The following MCCC2 variants were observed in gnomAD, a reference collection of about 807,000 sequenced individuals.
MCCC2 encodes the protein methylcrotonyl-CoA carboxylase subunit 2.
A neutral mutation model predicts 77.2 loss-of-function variants in MCCC2; 52 were observed. The observed-to-expected ratio is 0.67, with a 90% confidence interval of 0.54 to 0.85. MCCC2 has a LOEUF of 0.85. Among genes scored for constraint, MCCC2 ranks in the 40% least tolerant of loss-of-function variants. The probability of loss-of-function intolerance (pLI) is 0.00; values close to 1 mark genes in which losing one functional copy is unlikely to be tolerated. For synonymous variants in MCCC2, 253 were observed against 248.4 expected (o/e 1.02, Z -0.18); for missense variants, 682 against 703.2 (o/e 0.97, Z 0.34).
chr5:71,649,307 C>T, intron 14 of MCCC2, 54 bp downstream of exon 14: 1 of 1,508,096 alleles, frequency 6.6e-7, no homozygotes, highest in South Asian at 1.1e-5. Flanking sequence ...GTATAAAATA[C>T]ATGGTCAGTT....
intron 16 of MCCC2, among the ~76,000 whole-genome samples, 180 bp downstream of exon 16, chr5:71,652,934 C>T (rs193150949): frequency 6.6e-6 from 1 of 152,318 alleles, no homozygotes; most frequent in East Asian, 1.9e-4. Context: ...TGCTGAAATG[C>T]CACCCCTCCT....
intron 3 of MCCC2, among the ~76,000 whole-genome samples, chr5:71,597,116 G>GGAGA (rs138876138): frequency 6.6e-6 from 1 of 150,610 alleles, no homozygotes; most frequent in African/African-American, 2.4e-5. Flanking sequence ...ATTTAAAGGA[G>GGAGA]GAGAGAGAGA....
chr5:71,606,836 T>A (rs1454979097), intron 6 of MCCC2, among the ~76,000 whole-genome samples: 11 of 143,310 alleles, frequency 7.7e-5, no homozygotes, highest in African/African-American at 2.9e-4. Flanking sequence ...GAGATAATCA[T>A]GTGGTTTTTG....
intron 6 of MCCC2, among the ~76,000 whole-genome samples, chr5:71,617,146 A>G (rs1000626929): frequency 6.6e-6 from 1 of 152,188 alleles, no homozygotes; most frequent in African/African-American, 2.4e-5. Flanking sequence ...ACTGCAGTCA[A>G]CCTGATGCAG....
rs148316554 is a variant in MCCC2 at position 71,642,466 on chromosome 5, G to A, written c.1073-1353G>A. 3.8e-4 allele frequency among the ~76,000 whole-genome samples: 58 copies of A among 152,322 alleles called. 1 individual carries two copies. The highest frequency in any genetic ancestry group is 1.3e-3 in the African/African-American group (53 of 41,584). On this transcript the variant is annotated intron_variant, in intron 11 of 16. Transcript: ENST00000340941. Reference sequence around the variant, plus strand: ...TTTGTAACTCAGGTTTGATCAGGCAGTTGGTGAAGACCGTCCCTCTATGGG... The same window carrying A: ...TTTGTAACTCAGGTTTGATCAGGCAATTGGTGAAGACCGTCCCTCTATGGG...
At chr5:71,635,592 G>A in intron 10 of MCCC2, 3 of 358,256 alleles carry the variant, frequency 8.4e-6, no homozygotes, top group Non-Finnish European at 1.6e-5. Flanking sequence ...TCTTATTTTG[G>A]GAAATGGGTG....
Position 71,608,993 on chromosome 5 carries a change from C to T in MCCC2, c.624+4525C>T, listed in dbSNP as rs546577124. Among the ~76,000 whole-genome samples, 1,416 of 152,020 alleles carry T rather than the reference C, an allele frequency of 9.3e-3. 5 individuals carry two copies. The highest frequency in any genetic ancestry group is 0.014 in the Non-Finnish European group (946 of 67,948). ...TAACCCGACCTTTCTCTCTGGCTGC[C>T]CTTAACATTTTTTCCTTCATTTCAA... On this transcript the variant is annotated intron_variant, in intron 6 of 16. Coordinates refer to ENST00000340941, the MANE Select transcript of MCCC2 (RefSeq NM_022132.5).
chr5:71,645,276 T>A (rs1747245530), intron 12 of MCCC2, among the ~76,000 whole-genome samples: 1 of 152,190 alleles, frequency 6.6e-6, no homozygotes, highest in Admixed American at 6.5e-5. Flanking sequence ...CGTAGTCATA[T>A]TGAAGTCGAG....
In MCCC2 at chr5:71,649,299, A is replaced by T. The variant is rs141576720; in HGVS notation, c.1373+46A>T. On this transcript the variant is annotated intron_variant, in intron 14 of 16. Coordinates refer to ENST00000340941, the MANE Select transcript of MCCC2 (RefSeq NM_022132.5). ...TGAAACAAAGAAACATGCTTCAAGTATAAAATACATGGTCAGTTTATTTCA... is the reference window on the plus strand; with the variant it reads ...TGAAACAAAGAAACATGCTTCAAGTTTAAAATACATGGTCAGTTTATTTCA... 8 of 1,544,560 alleles carry T rather than the reference A, an allele frequency of 5.2e-6. 1 individual carries two copies. In the South Asian group the frequency reaches 9.0e-5, roughly 17 times the overall value.
At chr5:71,641,204 C>A (rs1747113546) in intron 11 of MCCC2, 129 bp downstream of exon 11, 2 of 794,436 alleles carry the variant, frequency 2.5e-6, no homozygotes, top group Non-Finnish European at 4.3e-6. Flanking sequence ...GTGTGAGCCA[C>A]TTTTAAAAGG....
At chr5:71,635,373 A>T in intron 10 of MCCC2, 127 bp downstream of exon 10, 1 of 838,454 alleles carries the variant, frequency 1.2e-6, no homozygotes, top group South Asian at 1.4e-5. Flanking sequence ...CTCAGTAAGG[A>T]GTGACATATG....
chr5:71,618,488 T>C (rs931493929), intron 6 of MCCC2, among the ~76,000 whole-genome samples: 6 of 97,150 alleles, frequency 6.2e-5, no homozygotes, highest in South Asian at 3.5e-4. Flanking sequence ...CTTCTTTCCT[T>C]CTTCCTTCCT....
chr5:71,595,551 A>G (rs1327237638), intron 2 of MCCC2, among the ~76,000 whole-genome samples: 1 of 152,170 alleles, frequency 6.6e-6, no homozygotes, highest in East Asian at 1.9e-4. Context: ...CTATATTAAG[A>G]TGAAATTCTT....
intron 6 of MCCC2, among the ~76,000 whole-genome samples, chr5:71,609,380 T>G (rs1745823654): frequency 6.6e-6 from 1 of 152,078 alleles, no homozygotes; most frequent in African/African-American, 2.4e-5. Context: ...GGCTTCTGCA[T>G]TCTTCACGTA....
At position 71,647,573 on chromosome 5, in the gene MCCC2, A is replaced by C. The variant is rs796169890; in HGVS notation, c.1216+1296A>C. ...GTTTTGGCCCTGTTGGGTTGAGTTT[A>C]GTTTTTCAGCATTGCATTTGAGGTT... is the stretch of plus-strand genomic sequence containing the variant. On this transcript the variant is annotated intron_variant, in intron 13 of 16. Transcript: ENST00000340941. 3.2e-4 allele frequency among the ~76,000 whole-genome samples: 49 copies of C among 152,254 alleles called. 1 individual carries two copies. The highest frequency in any genetic ancestry group is 1.2e-3 in the African/African-American group (48 of 41,560).
intron 3 of MCCC2, among the ~76,000 whole-genome samples, chr5:71,599,451 T>C (rs547307936): frequency 1.1e-3 from 160 of 152,250 alleles, no homozygotes; most frequent in African/African-American, 3.8e-3. Context: ...GCTCAAACAG[T>C]CCTCTTGTCT....
intron 6 of MCCC2, among the ~76,000 whole-genome samples, chr5:71,625,440 TTA>T (rs1416727669): frequency 6.6e-6 from 1 of 152,242 alleles, no homozygotes; most frequent in Non-Finnish European, 1.5e-5. Context: ...TGACATTTTG[TTA>T]TCTTTGCCAC....
intron 6 of MCCC2, among the ~76,000 whole-genome samples, chr5:71,607,193 A>T (rs1745716978): frequency 6.6e-6 from 1 of 152,004 alleles, no homozygotes; most frequent in Non-Finnish European, 1.5e-5. Context: ...TCGGCTGTGA[A>T]TCCATCTGGT....
At chr5:71,648,045 T>G (rs912734333) in intron 13 of MCCC2, among the ~76,000 whole-genome samples, 1 of 152,186 alleles carries the variant, frequency 6.6e-6, no homozygotes, top group Non-Finnish European at 1.5e-5. Context: ...GAGGAGTTTC[T>G]GAGCTTTTCT....
Sources: gnomAD v4.1 joint callset for allele counts (sites outside exome capture counted in the v4.1 genomes callset) on GRCh38, gnomAD v4.1.1 for gene constraint, MANE v1.5 for transcripts, NCBI Gene and HGNC (gene_info 2026-07-23, HGNC 2026-07-21) for gene names.